DMD: variants seen among roughly 807,000 people sequenced by gnomAD.
DMD encodes mutant dystrophin.
DMD carries 63 observed loss-of-function variants against 330.1 expected under a neutral mutation model. That is an observed-to-expected ratio of 0.19 (90% CI 0.16 to 0.24). DMD has a LOEUF of 0.24. Ranked by LOEUF, DMD falls within the 10% of genes least tolerant of loss-of-function variation. The pLI, the probability that DMD is intolerant of heterozygous loss-of-function variation, is 1.00. For synonymous variants in DMD, 1,223 were observed against 959.8 expected, an observed-to-expected ratio of 1.27 and a Z score of -5.07; for missense variants, 3,344 against 2,684.1, an observed-to-expected ratio of 1.25 and a Z score of -5.43.
At chrX:33,152,026 A>C (rs2148630449) in intron 1 of DMD, among the ~76,000 whole-genome samples, 1 of 111,871 alleles carries the variant, frequency 8.9e-6, no homozygotes, top group African/African-American at 3.2e-5. Context: ...AAAAGTAATC[A>C]AATAGATTTG....
intron 43 of DMD, among the ~76,000 whole-genome samples, chrX:32,252,074 A>C (rs1249902540): frequency 8.9e-6 from 1 of 111,907 alleles, no homozygotes; most frequent in Non-Finnish European, 1.9e-5. Flanking sequence ...CACTTAGATA[A>C]AATCTATACT....
Position 33,088,995 on chromosome X carries a change from T to A in DMD, c.32-68795A>T, listed in dbSNP as rs2095047920. On this transcript the variant is annotated intron_variant, in intron 1 of 78. Coordinates refer to ENST00000357033, the MANE Select transcript of DMD (RefSeq NM_004006.3). ...CAACGTAGACACATATATCTAAATGTGAAGTTGGCGGGTTCAAACGAATAT... is the reference window on the plus strand; with the variant it reads ...CAACGTAGACACATATATCTAAATGAGAAGTTGGCGGGTTCAAACGAATAT... Among the ~76,000 whole-genome samples the A allele has an allele frequency of 2.7e-5, 3 of 109,325 alleles. No individual in the cohort carries two copies. In the South Asian group the frequency reaches 1.2e-3, roughly 44 times the overall value. The allele number at this position is 109,325 out of a possible 115,157, so 94.9% of individuals were successfully genotyped here.
At chrX:32,865,038 T>C (rs2082371400) in intron 2 of DMD, among the ~76,000 whole-genome samples, 1 of 111,415 alleles carries the variant, frequency 9.0e-6, no homozygotes, top group African/African-American at 3.3e-5. Context: ...TGGAAGCAAA[T>C]AGGCCTTTAT....
intron 44 of DMD, among the ~76,000 whole-genome samples, chrX:32,025,542 A>G (rs185286513): frequency 5.4e-4 from 61 of 112,092 alleles, no homozygotes; most frequent in African/African-American, 1.8e-3. Context: ...ATTTTGTTAC[A>G]TGGAAAATTA....
chrX:32,050,067 T>A (rs749421472), intron 44 of DMD, among the ~76,000 whole-genome samples: 1 of 112,003 alleles, frequency 8.9e-6, no homozygotes, highest in African/African-American at 3.2e-5. Context: ...TTGGTATTTT[T>A]AATTAAAATC....
chrX:32,741,536 C>A (rs950121771), intron 7 of DMD, among the ~76,000 whole-genome samples: 1 of 111,458 alleles, frequency 9.0e-6, no homozygotes, highest in Non-Finnish European at 1.9e-5. Flanking sequence ...TATCTGTCTG[C>A]TGGATTGTAC....
chrX:32,621,282 G>C (rs1405720240), intron 11 of DMD, among the ~76,000 whole-genome samples: 2 of 111,202 alleles, frequency 1.8e-5, no homozygotes, highest in Non-Finnish European at 3.8e-5. Context: ...ATCCAGTGCA[G>C]CTTGATCGCA....
chrX:31,727,417 T>C (rs1479645711), intron 52 of DMD, among the ~76,000 whole-genome samples: 1 of 112,064 alleles, frequency 8.9e-6, no homozygotes, highest in African/African-American at 3.2e-5. Context: ...CAGTGTACAC[T>C]ATTTCCCTAA....
chrX:32,301,195 A>G (rs372895467), intron 42 of DMD, among the ~76,000 whole-genome samples: 4 of 98,015 alleles, frequency 4.1e-5, no homozygotes, highest in South Asian at 9.8e-4. Context: ...CTTTCATACA[A>G]TTGTTCTGTA....
chrX:32,032,942 A>G (rs1453659373), intron 44 of DMD, among the ~76,000 whole-genome samples: 2 of 112,348 alleles, frequency 1.8e-5, no homozygotes, highest in African/African-American at 3.2e-5. Context: ...GGAGGTAGGG[A>G]AAAAAGGCAA....
chrX:33,115,663 A>C (rs1056973103), intron 1 of DMD, among the ~76,000 whole-genome samples: 7 of 107,515 alleles, frequency 6.5e-5, no homozygotes, highest in Admixed American at 1.0e-4. Context: ...AGGCGCCCGC[A>C]ACCACGCCCG....
chrX:32,616,437 G>A (rs1290157708), intron 11 of DMD, among the ~76,000 whole-genome samples: 1 of 110,965 alleles, frequency 9.0e-6, no homozygotes, highest in East Asian at 2.8e-4. Context: ...CTCATGTATA[G>A]TTATTTGATA....
intron 45 of DMD, among the ~76,000 whole-genome samples, chrX:31,945,714 C>T (rs1234175927): frequency 9.0e-6 from 1 of 111,673 alleles, no homozygotes; most frequent in Non-Finnish European, 1.9e-5. Context: ...TAGGAGAGTA[C>T]TCCTTTTTTA....
intron 7 of DMD, among the ~76,000 whole-genome samples, chrX:32,760,285 G>A (rs1340292737): frequency 1.8e-5 from 2 of 111,141 alleles, no homozygotes; most frequent in African/African-American, 6.5e-5. Context: ...TATGTGAAAT[G>A]GAATCAGTAT....
At chrX:32,422,774 A>AT (rs774869669) in intron 29 of DMD, among the ~76,000 whole-genome samples, 5 of 111,152 alleles carry the variant, frequency 4.5e-5, no homozygotes, top group Admixed American at 2.9e-4. Context: ...TCCATTTATC[A>AT]TTTTTTTTAA....
intron 55 of DMD, among the ~76,000 whole-genome samples, chrX:31,553,145 CTG>C (rs2074590814): frequency 8.9e-6 from 1 of 111,800 alleles, no homozygotes; most frequent in Non-Finnish European, 1.9e-5. Context: ...CACAGAAACT[CTG>C]GGGATGGGGC....
intron 44 of DMD, among the ~76,000 whole-genome samples, chrX:32,152,636 A>C (rs1603627243): frequency 1.8e-5 from 2 of 111,956 alleles, no homozygotes; most frequent in Non-Finnish European, 1.9e-5. Flanking sequence ...TATAGTCTCC[A>C]GAGAGCGAAA....
At chrX:32,723,404 G>T (rs773137458) in intron 7 of DMD, among the ~76,000 whole-genome samples, 1 of 111,141 alleles carries the variant, frequency 9.0e-6, no homozygotes. Context: ...GTGTCTGTTT[G>T]ACTTTCGTAT....
intron 7 of DMD, among the ~76,000 whole-genome samples, chrX:32,720,781 T>A (rs2066216474): frequency 9.0e-6 from 1 of 111,534 alleles, no homozygotes; most frequent in Non-Finnish European, 1.9e-5. Flanking sequence ...TATCTGCTTT[T>A]ATATTTTTTT....
Sources: gnomAD v4.1 joint callset for allele counts (sites outside exome capture counted in the v4.1 genomes callset) on GRCh38, gnomAD v4.1.1 for gene constraint, MANE v1.5 for transcripts, NCBI Gene and HGNC (gene_info 2026-07-23, HGNC 2026-07-21) for gene names.